Variants in SBSPON observed in about 807,000 individuals in gnomAD.
SBSPON encodes the protein somatomedin-B and thrombospondin type-1 domain-containing protein.
In SBSPON, 30 loss-of-function variants were observed where a neutral mutation model predicts 35.8. The observed-to-expected ratio is 0.84, with a 90% CI of 0.63 to 1.14. SBSPON has a LOEUF of 1.14. Among genes scored for constraint, SBSPON ranks in the 50% most tolerant of loss-of-function variants. The pLI is 0.00. For missense variants in SBSPON, 364 were observed against 357.7 expected, an observed-to-expected ratio of 1.02 and a Z score of -0.14; for synonymous variants, 136 against 135.9, an observed-to-expected ratio of 1.00 and a Z score of 0.00.
At chr8:73,071,382 C>A (rs1191978065) in intron 3 of SBSPON, among the ~76,000 whole-genome samples, 1 of 152,132 alleles carries the variant, frequency 6.6e-6, no homozygotes, top group African/African-American at 2.4e-5. Context: ...TGACTTCCAG[C>A]CTGTACCAAT....
chr8:73,073,860 C>T (rs552688770), intron 2 of SBSPON, among the ~76,000 whole-genome samples: 36 of 151,938 alleles, frequency 2.4e-4, no homozygotes, highest in Admixed American at 7.9e-4. Context: ...TGCCTAATAC[C>T]GGGTAGCCAC....
chr8:73,067,433 T>C lies in SBSPON; in HGVS notation c.703A>G (p.Ile235Val), dbSNP rs765862370. The change falls in exon 5 of 5, where the codon ATT becomes GTT. Residue 235 changes from isoleucine (I) to valine (V), a missense_variant. Physicochemically the swap from Ile to Val is conservative, Grantham distance 29. Transcript: ENST00000297354. ...GTTCCTTGACACCGAGGATTACCAA[T>C]TGCTTGCCAATGGAGAGTCTGATTT... ...DGNQTLHWQA[I>V]GNPRCQGTWK... 44 of 1,609,154 alleles carry C rather than the reference T, an allele frequency of 2.7e-5. No individual in the cohort carries two copies. The highest frequency in any genetic ancestry group is 3.7e-5 in the Non-Finnish European group (43 of 1,176,436).
In SBSPON at chr8:73,069,922, G is replaced by C. The variant is rs751786710; in HGVS notation, c.560C>G (p.Pro187Arg). 39 of 1,612,136 alleles carry C rather than the reference G, an allele frequency of 2.4e-5. 1 individual carries two copies. The Middle Eastern group carries it at 4.9e-4, about 20-fold the overall frequency. The stretch of plus-strand genomic sequence containing the variant: ...GAGATACTGCATCCATCTAGTCAAG[G>C]GCCAGTTTTCCAGAGCACAGTGAGG... The part of the protein sequence containing the change: ...LTPHCALENW[P>R]LTRWMQYLRE... Residue 187 changes from proline to arginine, a missense_variant, in exon 4 of 5, where the codon CCC (proline) becomes CGC (arginine). Physicochemically the swap from Pro to Arg is moderately radical, Grantham distance 103. Transcript: ENST00000297354.
chr8:73,073,686 A>G (rs1244079864), intron 2 of SBSPON, among the ~76,000 whole-genome samples: 2 of 152,046 alleles, frequency 1.3e-5, no homozygotes, highest in Admixed American at 1.3e-4. Context: ...GCATTCGGCC[A>G]TAGACCCATC....
chr8:73,089,311 T>C (rs1810890360), intron 1 of SBSPON, among the ~76,000 whole-genome samples: 1 of 152,162 alleles, frequency 6.6e-6, no homozygotes, highest in African/African-American at 2.4e-5. Context: ...CCTAACACTT[T>C]GGGAGGCCAA....
At chr8:73,086,634 C>T (rs917335575) in intron 1 of SBSPON, among the ~76,000 whole-genome samples, 1 of 142,776 alleles carries the variant, frequency 7.0e-6, no homozygotes, top group Non-Finnish European at 1.5e-5. Flanking sequence ...CGTTATCTGG[C>T]CCCCAAAGGG....
intron 1 of SBSPON, among the ~76,000 whole-genome samples, chr8:73,084,761 C>CAT (rs1361214648): frequency 1.3e-5 from 1 of 78,096 alleles, no homozygotes. Flanking sequence ...CACACACACA[C>CAT]ACACACACAC....
chr8:73,082,707 T>A (rs1048398560), intron 1 of SBSPON, among the ~76,000 whole-genome samples: 4 of 152,240 alleles, frequency 2.6e-5, no homozygotes, highest in Admixed American at 2.6e-4. Context: ...TTGTTGGCTC[T>A]TGTTAGCCCT....
intron 1 of SBSPON, among the ~76,000 whole-genome samples, chr8:73,085,237 C>T (rs1173067311): frequency 6.6e-6 from 1 of 152,122 alleles, no homozygotes; most frequent in African/African-American, 2.4e-5. Context: ...TTTTCTGTGC[C>T]TTAAGATCAG....
chr8:73,084,620 G>A lies in SBSPON; in HGVS notation c.215-3407C>T, dbSNP rs148585142. Reference sequence around the variant, plus strand: ...CCGTTGTACACATTTTTACTCTGCTGGGAATATTCTCCCTACACTGGGCAT... The same window carrying A: ...CCGTTGTACACATTTTTACTCTGCTAGGAATATTCTCCCTACACTGGGCAT... On this transcript the variant is annotated intron_variant, in intron 1 of 4. Transcript: ENST00000297354. Among the ~76,000 whole-genome samples, 104 of 152,118 alleles carry A rather than the reference G, an allele frequency of 6.8e-4. 1 individual carries two copies. The East Asian group carries it at 0.019, about 28-fold the overall frequency.
intron 2 of SBSPON, 114 bp downstream of exon 2, chr8:73,080,905 C>A: frequency 1.1e-6 from 1 of 907,684 alleles, no homozygotes; most frequent in Middle Eastern, 2.6e-4. Flanking sequence ...CTGGCCCATA[C>A]CACTCCCTGT....
chr8:73,071,698 A>G lies in SBSPON; in HGVS notation c.500+82T>C, dbSNP rs117201549. The G allele has an allele frequency of 6.7e-3, 5,293 of 794,594 alleles. 29 individuals are homozygous for G. The highest frequency in any genetic ancestry group is 8.6e-3 in the Non-Finnish European group (4,173 of 487,254). The allele number at this position is 794,594 out of a possible 1,614,324, so 49.2% of individuals were successfully genotyped here. A position where few individuals can be genotyped will look rare whatever the true frequency, so the allele number is the denominator to read the frequency against. ...GAGCAAGTAGAAAGAAGAAGAAAAC[A>G]TAAACCAAGTTGACCCTCTTGCATT... On this transcript the variant is annotated intron_variant, in intron 3 of 4. Coordinates refer to ENST00000297354, the MANE Select transcript of SBSPON (RefSeq NM_153225.4).
intron 2 of SBSPON, chr8:73,075,741 G>C: frequency 1.1e-6 from 1 of 929,514 alleles, no homozygotes; most frequent in Non-Finnish European, 1.3e-6. Flanking sequence ...TGGGATCACT[G>C]GTCTATAGTA....
At chr8:73,090,324 T>TA (rs200338510) in intron 1 of SBSPON, among the ~76,000 whole-genome samples, 3,782 of 152,182 alleles carry the variant, frequency 0.025, 75 homozygotes, top group Non-Finnish European at 0.039. Context: ...CTTCTGGGAT[T>TA]AAAAAAAATC....
At chr8:73,072,935 C>T (rs1235634540) in intron 2 of SBSPON, among the ~76,000 whole-genome samples, 2 of 152,176 alleles carry the variant, frequency 1.3e-5, no homozygotes, top group East Asian at 3.8e-4. Context: ...CACCAAGAAT[C>T]CTTCCTCCTG....
At chr8:73,080,384 A>G (rs899425166) in intron 2 of SBSPON, among the ~76,000 whole-genome samples, 1 of 151,986 alleles carries the variant, frequency 6.6e-6, no homozygotes, top group East Asian at 1.9e-4. Flanking sequence ...GCGTGGTGGC[A>G]GGCGCCTGTA....
intron 1 of SBSPON, among the ~76,000 whole-genome samples, chr8:73,084,749 G>GACAC (rs57178636): frequency 0.029 from 3,894 of 134,358 alleles, 66 homozygotes; most frequent in East Asian, 0.044. Flanking sequence ...CCACTACACA[G>GACAC]ACACACACAC....
At chr8:73,089,568 A>C (rs905676929) in intron 1 of SBSPON, among the ~76,000 whole-genome samples, 52 of 152,128 alleles carry the variant, frequency 3.4e-4, no homozygotes, top group African/African-American at 1.2e-3. Context: ...TCAAAAAAAA[A>C]AAAAAAATTG....
intron 2 of SBSPON, among the ~76,000 whole-genome samples, chr8:73,078,661 C>A (rs1563488625): frequency 6.6e-6 from 1 of 152,164 alleles, no homozygotes; most frequent in Non-Finnish European, 1.5e-5. Context: ...CCAAAAACAT[C>A]CATAATGTCC....
Sources: gnomAD v4.1 joint callset for allele counts (sites outside exome capture counted in the v4.1 genomes callset) on GRCh38, gnomAD v4.1.1 for gene constraint, MANE v1.5 for transcripts, NCBI Gene and HGNC (gene_info 2026-07-23, HGNC 2026-07-21) for gene names.